BOD1L1: variants seen among roughly 807,000 people sequenced by gnomAD.
BOD1L1 encodes the protein biorientation of chromosomes in cell division protein 1-like 1.
In BOD1L1, 86 loss-of-function variants were observed where a neutral mutation model predicts 240.7. That is an observed-to-expected ratio of 0.36 (90% confidence interval 0.30 to 0.43). The LOEUF (loss-of-function observed/expected upper bound fraction) is 0.43. BOD1L1 is among the 20% of genes least tolerant of loss of function. The probability of loss-of-function intolerance (pLI) is 1.00; values close to 1 mark genes in which losing one functional copy is unlikely to be tolerated. For synonymous variants in BOD1L1, 1,268 were observed against 1,272.3 expected (o/e 1.00, Z 0.07); for missense variants, 3,554 against 3,643.5 (o/e 0.98, Z 0.63).
intron 25 of BOD1L1, among the ~76,000 whole-genome samples, chr4:13,572,019 G>C (rs775060401): frequency 6.6e-6 from 1 of 152,088 alleles, no homozygotes; most frequent in Non-Finnish European, 1.5e-5. Context: ...TTTTATTTTT[G>C]AATATGATAA....
At position 13,601,912 on chromosome 4, in the gene BOD1L1, C is replaced by G; in HGVS notation, c.4988G>C (p.Cys1663Ser). 6.2e-7 allele frequency: 1 copy of G among 1,613,980 alleles called. No homozygotes were observed. Reference sequence around the variant, plus strand: ...TGAGTCTCTACTTAAAGAACCATCACATTTTTCTTCAGAGCCTGCACTGGT... The same window carrying G: ...TGAGTCTCTACTTAAAGAACCATCAGATTTTTCTTCAGAGCCTGCACTGGT... ...AVTSAGSEEK[C>S]DGSLSRDSEI... Residue 1663 changes from cysteine (C) to serine (S), a missense_variant, in exon 10 of 26, where the codon TGT becomes TCT. Coordinates refer to ENST00000040738, the MANE Select transcript of BOD1L1 (RefSeq NM_148894.3).
At chr4:13,615,832 C>T (rs984286008) in intron 2 of BOD1L1, among the ~76,000 whole-genome samples, 7 of 152,168 alleles carry the variant, frequency 4.6e-5, no homozygotes, top group African/African-American at 1.4e-4. Context: ...CACCCCTACT[C>T]TGCTCATGGC....
At chr4:13,573,803 C>T (rs981251916) in intron 25 of BOD1L1, among the ~76,000 whole-genome samples, 10 of 152,228 alleles carry the variant, frequency 6.6e-5, no homozygotes, top group Admixed American at 1.3e-4. Flanking sequence ...GGATTACAGG[C>T]GTGAGCCACT....
In BOD1L1 at chr4:13,602,609, C is replaced by T; in HGVS notation, c.4291G>A (p.Glu1431Lys). 1 of 1,614,008 alleles carries T rather than the reference C, an allele frequency of 6.2e-7. No homozygotes were observed. Among genetic ancestry groups the T allele is most frequent in the East Asian group, 2.2e-5 (1 of 44,888 alleles). ...GCAATGCCATCCTTCTTGCCATTCT[C>T]TACTGTTGCTTTAATTGTCTGCTTT... The part of the protein sequence containing the change: ...NLKQTIKATV[E>K]NGKKDGIAVD... Residue 1431 changes from glutamate to lysine, a missense_variant, in exon 10 of 26, where the codon GAG (glutamate) becomes AAG (lysine). This residue lies in a region of BOD1L1 where 3,393 missense variants were observed against 3,427.1 expected (regional missense o/e 0.99). Transcript: ENST00000040738.
chr4:13,609,180 C>T, intron 7 of BOD1L1, 115 bp downstream of exon 7: 1 of 563,020 alleles, frequency 1.8e-6, no homozygotes. Context: ...AAATCTTCCA[C>T]ATTTGAGACT....
intron 12 of BOD1L1, chr4:13,593,187 C>G (rs1714352817): frequency 6.6e-6 from 1 of 152,124 alleles, no homozygotes; most frequent in South Asian, 2.1e-4. Flanking sequence ...TGACCCCAAG[C>G]CTTTTGGATT....
intron 9 of BOD1L1, 59 bp downstream of exon 9, chr4:13,607,058 G>A (rs780610060): frequency 8.8e-7 from 1 of 1,131,668 alleles, no homozygotes. Context: ...TACTCCAAAG[G>A]AATAAACAGC....
At chr4:13,615,204 A>G in intron 3 of BOD1L1, 108 bp downstream of exon 3, 1 of 1,149,556 alleles carries the variant, frequency 8.7e-7, no homozygotes, top group Non-Finnish European at 1.2e-6. Context: ...GTACAATTTC[A>G]TTGGAATAGC....
chr4:13,616,554 G>C (rs569908047), intron 2 of BOD1L1, among the ~76,000 whole-genome samples: 1 of 152,348 alleles, frequency 6.6e-6, no homozygotes, highest in East Asian at 1.9e-4. Context: ...AAAAAGAAGT[G>C]GAGGAGTCAA....
At position 13,596,293 on chromosome 4, in the gene BOD1L1, C is replaced by T. The variant is rs963545546; in HGVS notation, c.8020-349G>A. Among the ~76,000 whole-genome samples the T allele has an allele frequency of 3.9e-5, 6 of 152,090 alleles. No individual in the cohort carries two copies. The East Asian group carries it at 9.7e-4, about 25-fold the overall frequency. ...CCACTGCAGCGCCTGAGACACACCA[C>T]GTGCCCTCCTGTCTCTGAGTCTAGA... On this transcript the variant is annotated intron_variant, in intron 11 of 25. Transcript: ENST00000040738.
At chr4:13,605,209 C>T (rs1310195355) in intron 9 of BOD1L1, 125 bp from the exon 10 acceptor site, 1 of 806,200 alleles carries the variant, frequency 1.2e-6, no homozygotes, top group Admixed American at 4.0e-5. Flanking sequence ...TTAATTCTTA[C>T]AAACAGCCTG....
chr4:13,573,104 T>C (rs907959512), intron 25 of BOD1L1, among the ~76,000 whole-genome samples: 4 of 151,958 alleles, frequency 2.6e-5, no homozygotes, highest in Non-Finnish European at 5.9e-5. Flanking sequence ...CTGCGAAAAA[T>C]AGAAAATATA....
chr4:13,604,913 T>C lies in BOD1L1; in HGVS notation c.1987A>G (p.Ile663Val), dbSNP rs1326846625. The stretch of plus-strand genomic sequence containing the variant: ...GTCTCTTCCTGTACCCCCTCCATGA[T>C]AACAGGGGTAGATGTCCGTCTTTTA... ...EHKRRTSTPV[I>V]MEGVQEETDT... Residue 663 changes from isoleucine to valine, a missense_variant, in exon 10 of 26, where the codon ATC becomes GTC. Around this residue, in one of 2 missense-constraint regions of BOD1L1, gnomAD observed 3,393 missense variants for 3,427.1 expected, o/e 0.99. Transcript: ENST00000040738. 3.1e-6 allele frequency: 5 copies of C among 1,613,476 alleles called. No homozygotes were observed. Among genetic ancestry groups the C allele is most frequent in the Non-Finnish European group, 8.5e-7 (1 of 1,179,742 alleles).
At chr4:13,571,728 T>C (rs1356301222) in intron 25 of BOD1L1, among the ~76,000 whole-genome samples, 1 of 152,200 alleles carries the variant, frequency 6.6e-6, no homozygotes, top group African/African-American at 2.4e-5. Context: ...AGACCCAGGA[T>C]CTGCATTTTA....
intron 2 of BOD1L1, 137 bp downstream of exon 2, chr4:13,619,806 A>G: frequency 9.0e-7 from 1 of 1,107,018 alleles, no homozygotes; most frequent in South Asian, 1.9e-5. Flanking sequence ...ATGCTACATC[A>G]CACGAAATAG....
In BOD1L1 at chr4:13,627,425, C is replaced by T; in HGVS notation, c.163G>A (p.Ala55Thr). ...GAGAGDPQLV[A>T]MIVNHLKSQG... is the part of the protein sequence containing the mutation. ...CTCTTGAGGTGGTTCACGATCATGG[C>T]CACGAGCTGCGGGTCCCCGGCGCCC... is the stretch of plus-strand genomic sequence containing the variant. The change falls in exon 1 of 26, where the codon GCC (alanine) becomes ACC (threonine). Residue 55 changes from alanine to threonine, a missense_variant. Ala to Thr is a moderately conservative substitution (Grantham distance 58, BLOSUM62 0). Transcript: ENST00000040738. 7.3e-7 allele frequency: 1 copy of T among 1,361,210 alleles called. No homozygotes were observed. Among genetic ancestry groups the T allele is most frequent in the South Asian group, 1.9e-5 (1 of 52,482 alleles). 84.3% of individuals were successfully genotyped at this position (1,361,210 alleles called of 1,614,324 possible).
Position 13,599,421 on chromosome 4 carries a change from C to T in BOD1L1, c.7479G>A (p.Arg2493=). The T allele has an allele frequency of 1.2e-6, 2 of 1,614,014 alleles. No homozygotes were observed. The highest frequency in any genetic ancestry group is 1.7e-6 in the Non-Finnish European group (2 of 1,179,892). The change falls in exon 10 of 26, where the codon AGG becomes AGA. Residue 2493 remains arginine (R), a synonymous_variant. Transcript: ENST00000040738. ...GTGAGTTAGCATTCCCCTCTAAGCC[C>T]CTTCCTGCTGAATAACTTGCTGTGC... is the stretch of plus-strand genomic sequence containing the variant. ...GSSTASYSAG[R]GLEGNANSPA... is the part of the protein sequence containing the mutation.
chr4:13,595,344 G>A (rs1714535066), intron 12 of BOD1L1, among the ~76,000 whole-genome samples: 1 of 152,148 alleles, frequency 6.6e-6, no homozygotes, highest in Non-Finnish European at 1.5e-5. Context: ...TATCCTTTCT[G>A]ATATTGAGGA....
chr4:13,612,108 A>C (rs1053711637), intron 5 of BOD1L1, among the ~76,000 whole-genome samples: 1 of 152,190 alleles, frequency 6.6e-6, no homozygotes, highest in African/African-American at 2.4e-5. Context: ...GGTAATGCAG[A>C]GCTGACCTCA....
Sources: gnomAD v4.1 joint callset for allele counts (sites outside exome capture counted in the v4.1 genomes callset) on GRCh38, gnomAD v4.1.1 for gene constraint, gnomAD v4.1.1 regional missense constraint, MANE v1.5 for transcripts, NCBI Gene and HGNC (gene_info 2026-07-23, HGNC 2026-07-21) for gene names.